Variants in ST6GALNAC3 observed in about 807,000 individuals in gnomAD.
ST6GALNAC3 encodes the protein alpha-N-acetylgalactosaminide alpha-2,6-sialyltransferase 3.
A neutral mutation model predicts 32.7 loss-of-function variants in ST6GALNAC3; 25 were observed. The ratio of observed to expected loss-of-function variants is 0.76; its 90% CI spans 0.56 to 1.07. The LOEUF is 1.07. Ranked by LOEUF, ST6GALNAC3 falls within the 50% of genes least tolerant of loss-of-function variation. ST6GALNAC3 has a pLI of 0.00. For missense variants in ST6GALNAC3, 355 were observed against 382.4 expected (o/e 0.93, Z 0.60); for synonymous variants, 129 against 133.1 (o/e 0.97, Z 0.21).
chr1:76,502,052 G>T (rs970533213), intron 3 of ST6GALNAC3, among the ~76,000 whole-genome samples: 2 of 152,132 alleles, frequency 1.3e-5, no homozygotes, highest in African/African-American at 4.8e-5. Context: ...GGCCAGTGTT[G>T]CTCCTCCTGT....
chr1:76,603,044 C>T (rs1371649242), intron 3 of ST6GALNAC3, among the ~76,000 whole-genome samples: 1 of 152,190 alleles, frequency 6.6e-6, no homozygotes, highest in Non-Finnish European at 1.5e-5. Context: ...TATCACTTTA[C>T]ACTCACCAGA....
intron 1 of ST6GALNAC3, among the ~76,000 whole-genome samples, chr1:76,273,646 G>C (rs1168967878): frequency 6.6e-6 from 1 of 152,140 alleles, no homozygotes; most frequent in Admixed American, 6.5e-5. Context: ...AAGTCAGCAA[G>C]TTAAGACAGC....
At chr1:76,300,804 G>GTGAA (rs1394434202) in intron 1 of ST6GALNAC3, among the ~76,000 whole-genome samples, 3 of 152,142 alleles carry the variant, frequency 2.0e-5, no homozygotes, top group African/African-American at 7.2e-5. Flanking sequence ...GCTACAGGAT[G>GTGAA]TGAAGTGTGC....
intron 1 of ST6GALNAC3, among the ~76,000 whole-genome samples, chr1:76,234,303 C>G (rs960582936): frequency 9.2e-5 from 14 of 152,166 alleles, no homozygotes; most frequent in Admixed American, 6.5e-5. Flanking sequence ...TCTGAGATCC[C>G]ACCTCTTTGG....
chr1:76,178,704 T>C (rs751281194), intron 1 of ST6GALNAC3, among the ~76,000 whole-genome samples: 12 of 152,126 alleles, frequency 7.9e-5, no homozygotes, highest in African/African-American at 2.2e-4. Context: ...GAATGAGCTT[T>C]GGATTCCTTT....
intron 2 of ST6GALNAC3, among the ~76,000 whole-genome samples, chr1:76,388,779 AC>A (rs1652294205): frequency 6.6e-6 from 1 of 152,132 alleles, no homozygotes; most frequent in African/African-American, 2.4e-5. Context: ...AAATGTGGTC[AC>A]ATTTCTCCTC....
At chr1:76,571,436 A>G (rs1665854106) in intron 3 of ST6GALNAC3, among the ~76,000 whole-genome samples, 1 of 152,068 alleles carries the variant, frequency 6.6e-6, no homozygotes, top group Non-Finnish European at 1.5e-5. Context: ...GTGCCAGTTG[A>G]AATATTTTCA....
At chr1:76,588,399 G>A (rs1646996657) in intron 3 of ST6GALNAC3, among the ~76,000 whole-genome samples, 2 of 152,076 alleles carry the variant, frequency 1.3e-5, no homozygotes, top group African/African-American at 4.8e-5. Context: ...AGAACACAAG[G>A]GATGGGTGAA....
At chr1:76,454,734 C>T (rs1216870260) in intron 3 of ST6GALNAC3, among the ~76,000 whole-genome samples, 2 of 152,082 alleles carry the variant, frequency 1.3e-5, no homozygotes, top group Non-Finnish European at 2.9e-5. Flanking sequence ...TTCATCTTGA[C>T]TTTAGATACC....
At chr1:76,590,583 C>T (rs2100583005) in intron 3 of ST6GALNAC3, among the ~76,000 whole-genome samples, 1 of 152,024 alleles carries the variant, frequency 6.6e-6, no homozygotes, top group East Asian at 1.9e-4. Flanking sequence ...CAAAGACAAA[C>T]TCTCTATGGA....
intron 1 of ST6GALNAC3, among the ~76,000 whole-genome samples, chr1:76,214,084 A>G (rs1655325923): frequency 6.6e-6 from 1 of 152,130 alleles, no homozygotes. Context: ...CCCCTTTGAG[A>G]GGTAGTCAAT....
rs78039314 is a variant in ST6GALNAC3 at position 76,163,437 on chromosome 1, G to A, written c.18+88553G>A. 8.0e-3 allele frequency among the ~76,000 whole-genome samples: 1,220 copies of A among 152,240 alleles called. 20 individuals carry two copies. Among genetic ancestry groups the A allele is most frequent in the African/African-American group, 0.028 (1,173 of 41,534 alleles). Reference sequence around the variant, plus strand: ...CAGTGTTGGGAGGGTGTACACTTGGGACCCAGATTCGACAACTTAACCATT... The same window carrying A: ...CAGTGTTGGGAGGGTGTACACTTGGAACCCAGATTCGACAACTTAACCATT... On this transcript the variant is annotated intron_variant, in intron 1 of 4. Transcript: ENST00000328299.
chr1:76,456,761 A>C (rs1371599354), intron 3 of ST6GALNAC3, among the ~76,000 whole-genome samples: 1 of 152,126 alleles, frequency 6.6e-6, no homozygotes, highest in Non-Finnish European at 1.5e-5. Context: ...GAATGGGCAA[A>C]AACTGGAAGC....
intron 3 of ST6GALNAC3, among the ~76,000 whole-genome samples, chr1:76,433,660 G>A (rs1655929362): frequency 1.3e-5 from 2 of 152,194 alleles, no homozygotes; most frequent in Admixed American, 1.3e-4. Flanking sequence ...GAGATGGACA[G>A]CAGTCTGTGG....
At chr1:76,372,727 G>A (rs555744821) in intron 2 of ST6GALNAC3, among the ~76,000 whole-genome samples, 1 of 152,070 alleles carries the variant, frequency 6.6e-6, no homozygotes, top group African/African-American at 2.4e-5. Context: ...TTTGTTCTTT[G>A]ACTTCATCTT....
intron 1 of ST6GALNAC3, among the ~76,000 whole-genome samples, chr1:76,094,082 C>T (rs956545557): frequency 6.6e-5 from 10 of 152,158 alleles, no homozygotes; most frequent in Non-Finnish European, 1.5e-4. Context: ...CACTGCAGGG[C>T]AACTGACGTT....
intron 3 of ST6GALNAC3, among the ~76,000 whole-genome samples, chr1:76,472,169 A>G (rs1659075099): frequency 6.6e-6 from 1 of 152,146 alleles, no homozygotes; most frequent in African/African-American, 2.4e-5. Flanking sequence ...AATTTTGTCT[A>G]AAATATGTAA....
At chr1:76,122,908 G>A (rs1648980183) in intron 1 of ST6GALNAC3, among the ~76,000 whole-genome samples, 1 of 152,190 alleles carries the variant, frequency 6.6e-6, no homozygotes, top group Non-Finnish European at 1.5e-5. Context: ...CTCTGGAGGA[G>A]CTTGTAGTCT....
chr1:76,292,279 TCAG>T (rs1660140649), intron 1 of ST6GALNAC3, among the ~76,000 whole-genome samples: 1 of 73,858 alleles, frequency 1.4e-5, no homozygotes, highest in Non-Finnish European at 4.2e-5. Flanking sequence ...AATGGTAGCT[TCAG>T]TAGAGTGGGA....
Sources: allele counts gnomAD v4.1 joint callset (sites outside exome capture counted in the v4.1 genomes callset), GRCh38; gene constraint gnomAD v4.1.1; transcripts MANE v1.5; gene names NCBI Gene and HGNC (gene_info 2026-07-23, HGNC 2026-07-21).